The following CYSRT1 variants were observed in gnomAD, a reference collection of about 807,000 sequenced individuals.
The protein encoded by CYSRT1 is cysteine-rich tail protein 1.
In CYSRT1, 7 loss-of-function variants were observed where a neutral mutation model predicts 6.2. The observed-to-expected ratio is 1.13, with a 90% CI of 0.64 to 2.13. CYSRT1 has a LOEUF of 2.13. Among genes scored for constraint, CYSRT1 ranks in the 30% most tolerant of loss-of-function variants. The probability of loss-of-function intolerance (pLI) is 0.00; values close to 1 mark genes in which losing one functional copy is unlikely to be tolerated. For missense variants in CYSRT1, 188 were observed against 196.4 expected, an observed-to-expected ratio of 0.96 and a Z score of 0.26; for synonymous variants, 75 against 83.1, an observed-to-expected ratio of 0.90 and a Z score of 0.53.
chr9:137,225,760 G>A lies in CYSRT1; in HGVS notation c.139G>A (p.Val47Met). The A allele has an allele frequency of 1.3e-6, 2 of 1,550,078 alleles. No individual in the cohort carries two copies. The highest frequency in any genetic ancestry group is 8.7e-7 in the Non-Finnish European group (1 of 1,146,898). Reference protein sequence around the residue: ...SSSSEMQPLPVGPCAPEPTHL... With the variant: ...SSSSEMQPLPMGPCAPEPTHL... The stretch of plus-strand genomic sequence containing the variant: ...ATCCTCGGAGATGCAGCCCCTGCCA[G>A]TGGGGCCCTGTGCCCCAGAGCCAAC... The change falls in exon 2 of 2, where the codon GTG becomes ATG. Residue 47 changes from valine (V) to methionine (M), a missense_variant. By Grantham distance (21) the Val-to-Met change is conservative (BLOSUM62 1). Transcript: ENST00000650725.
At chr9:137,225,388 G>A (rs1484854658) in intron 1 of CYSRT1, among the ~76,000 whole-genome samples, 155 bp downstream of exon 1, 1 of 152,256 alleles carries the variant, frequency 6.6e-6, no homozygotes, top group African/African-American at 2.4e-5. Context: ...AGGGGTGGCA[G>A]CTGGGAGACA....
intron 1 of CYSRT1, 148 bp downstream of exon 1, chr9:137,225,381 G>A: frequency 1.7e-6 from 2 of 1,148,964 alleles, no homozygotes; most frequent in Non-Finnish European, 2.4e-6. Context: ...CCCTGGCAGG[G>A]GTGGCAGCTG....
rs1309179938 is a variant in CYSRT1, at chr9:137,225,963, C to T, written c.342C>T (p.Ile114=). Residue 114 remains isoleucine, a synonymous_variant, in exon 2 of 2, where the codon ATC becomes ATT. Transcript: ENST00000650725. ...CGCCCGCGGGGCGCGGGGATGACAT[C>T]GCCCACCACTGCTGCTGCTGCCCCT... The part of the protein sequence containing the change: ...GPPPAGRGDD[I]AHHCCCCPCC... 5.8e-6 allele frequency: 9 copies of T among 1,548,836 alleles called. No homozygotes were observed. The highest frequency in any genetic ancestry group is 2.4e-5 in the South Asian group (2 of 84,000).
chr9:137,225,251 G>A lies in CYSRT1; in HGVS notation c.-9+18G>A, dbSNP rs1003213445. On this transcript the variant is annotated intron_variant, in intron 1 of 1. Transcript: ENST00000650725. ...CACCACAGGTAAGCCCTTGGCCGCCGGGACTGCCCTGAACTCAGGGGCACT... is the reference window on the plus strand; with the variant it reads ...CACCACAGGTAAGCCCTTGGCCGCCAGGACTGCCCTGAACTCAGGGGCACT... The A allele has an allele frequency of 2.9e-5, 44 of 1,535,548 alleles. 1 individual carries two copies. Among genetic ancestry groups the A allele is most frequent in the East Asian group, 4.9e-5 (2 of 40,870 alleles).
In CYSRT1 at chr9:137,226,070, G is replaced by A. The variant is rs545222772; in HGVS notation, c.*14G>A. ...GTCATCTCCTAGCCCAGCCCACCCT[G>A]CCAGGGCCAGGACCCAGACTTCAGC... On this transcript the variant is annotated 3_prime_UTR_variant, in exon 2 of 2. Transcript: ENST00000650725. 6 of 1,543,064 alleles carry A rather than the reference G, an allele frequency of 3.9e-6. No individual in the cohort carries two copies. In the South Asian group the frequency reaches 4.8e-5, roughly 12 times the overall value.
chr9:137,225,833 G>A lies in CYSRT1; in HGVS notation c.212G>A (p.Gly71Asp), dbSNP rs1460443317. 2 of 1,548,040 alleles carry A rather than the reference G, an allele frequency of 1.3e-6. No individual in the cohort carries two copies. Among genetic ancestry groups the A allele is most frequent in the African/African-American group, 1.4e-5 (1 of 73,170 alleles). ...GTCCCAGGGCCCAAGGGCGCCAAGGGTAACCAGGGGGCTGCCCCCATCCAG... is the reference window on the plus strand; with the variant it reads ...GTCCCAGGGCCCAAGGGCGCCAAGGATAACCAGGGGGCTGCCCCCATCCAG... ...TEVPGPKGAK[G>D]NQGAAPIQNQ... is the part of the protein sequence containing the mutation. Residue 71 changes from glycine (G) to aspartate (D), a missense_variant, in exon 2 of 2, where the codon GGT becomes GAT. Gly to Asp is a moderately conservative substitution (Grantham distance 94). Coordinates refer to ENST00000650725, the MANE Select transcript of CYSRT1 (RefSeq NM_199001.5).
chr9:137,226,165 C>T lies in CYSRT1; in HGVS notation c.*109C>T. 6.8e-7 allele frequency: 1 copy of T among 1,474,124 alleles called. No homozygotes were observed. Among genetic ancestry groups the T allele is most frequent in the Non-Finnish European group, 9.1e-7 (1 of 1,102,386 alleles). The allele number at this position is 1,474,124 out of a possible 1,614,324, so 91.3% of individuals were successfully genotyped here. On this transcript the variant is annotated 3_prime_UTR_variant, in exon 2 of 2. Transcript: ENST00000650725. ...TGGCTGTTGTCATGGGCGTCTGCCC[C>T]TTCACACCAGGCACTGGGGCTCAGA...
chr9:137,226,175 G>T lies in CYSRT1; in HGVS notation c.*119G>T. ...CATGGGCGTCTGCCCCTTCACACCA[G>T]GCACTGGGGCTCAGACCCACCAGGA... On this transcript the variant is annotated 3_prime_UTR_variant, in exon 2 of 2. Coordinates refer to ENST00000650725, the MANE Select transcript of CYSRT1 (RefSeq NM_199001.5). The T allele has an allele frequency of 6.8e-7, 1 of 1,467,330 alleles. No homozygotes were observed. Among genetic ancestry groups the T allele is most frequent in the Non-Finnish European group, 9.1e-7 (1 of 1,099,424 alleles). The allele number at this position is 1,467,330 out of a possible 1,614,324, so 90.9% of individuals were successfully genotyped here. A position where few individuals can be genotyped will look rare whatever the true frequency, so the allele number is the denominator to read the frequency against.
At chr9:137,225,576 A>T in intron 1 of CYSRT1, 38 bp from the exon 2 acceptor site, 1 of 1,518,326 alleles carries the variant, frequency 6.6e-7, no homozygotes, top group African/African-American at 1.4e-5. Context: ...ATCCCACTCC[A>T]CTGAGTTCAT....
chr9:137,226,186 T>C lies in CYSRT1; in HGVS notation c.*130T>C. 3.5e-6 allele frequency: 5 copies of C among 1,447,864 alleles called. No individual in the cohort carries two copies. Among genetic ancestry groups the C allele is most frequent in the Non-Finnish European group, 4.6e-6 (5 of 1,091,590 alleles). The allele number at this position is 1,447,864 out of a possible 1,614,324, so 89.7% of individuals were successfully genotyped here. The stretch of plus-strand genomic sequence containing the variant: ...GCCCCTTCACACCAGGCACTGGGGC[T>C]CAGACCCACCAGGAAGGTGGCCGTT... On this transcript the variant is annotated 3_prime_UTR_variant, in exon 2 of 2. Transcript: ENST00000650725.
chr9:137,225,203 G>A lies in CYSRT1; in HGVS notation c.-39G>A, dbSNP rs893564079. 8.4e-6 allele frequency: 13 copies of A among 1,550,288 alleles called. No homozygotes were observed. The highest frequency in any genetic ancestry group is 1.7e-4 in the Middle Eastern group (1 of 6,012). On this transcript the variant is annotated 5_prime_UTR_variant, in exon 1 of 2. Coordinates refer to ENST00000650725, the MANE Select transcript of CYSRT1 (RefSeq NM_199001.5). ...ACTGGGACCTAGAGCTCAGAAGACCGAGAGGACAGACTGCCGTGTTGCCAC... is the reference window on the plus strand; with the variant it reads ...ACTGGGACCTAGAGCTCAGAAGACCAAGAGGACAGACTGCCGTGTTGCCAC...
At position 137,225,669 on chromosome 9, in the gene CYSRT1, C is replaced by T. The variant is rs1588832161; in HGVS notation, c.48C>T (p.Ser16=). 1 of 1,550,500 alleles carries T rather than the reference C, an allele frequency of 6.4e-7. No homozygotes were observed. The highest frequency in any genetic ancestry group is 8.7e-7 in the Non-Finnish European group (1 of 1,146,978). Reference sequence around the variant, plus strand: ...TCAAGAACCCATATGCCCACATCAGCATCCCCCGGGCTCACCTGCGGCCTG... The same window carrying T: ...TCAAGAACCCATATGCCCACATCAGTATCCCCCGGGCTCACCTGCGGCCTG... ...MVVKNPYAHI[S]IPRAHLRPDL... The change falls in exon 2 of 2, where the codon AGC becomes AGT. Residue 16 remains serine (S), a synonymous_variant. Transcript: ENST00000650725.
In CYSRT1 at chr9:137,225,507, T is replaced by C. The variant is rs1835950519; in HGVS notation, c.-8-107T>C. ...ACTGATGCCTTGGGGATGCTGAGCTTGGACGAGGCACGCTGCTCCTGGTGG... is the reference window on the plus strand; with the variant it reads ...ACTGATGCCTTGGGGATGCTGAGCTCGGACGAGGCACGCTGCTCCTGGTGG... On this transcript the variant is annotated intron_variant, in intron 1 of 1. Transcript: ENST00000650725. 2.8e-6 allele frequency: 4 copies of C among 1,452,372 alleles called. No homozygotes were observed. In the Admixed American group the frequency reaches 7.9e-5, roughly 29 times the overall value. The allele number at this position is 1,452,372 out of a possible 1,614,324, so 90.0% of individuals were successfully genotyped here. A position where few individuals can be genotyped will look rare whatever the true frequency, so the allele number is the denominator to read the frequency against.
In CYSRT1 at chr9:137,226,007, GC is replaced by G; in HGVS notation, c.393del (p.Phe132SerfsTer84). On this transcript the variant is annotated frameshift_variant, in exon 2 of 2. Transcript: ENST00000650725. LOFTEE classifies it high-confidence loss of function. ...CCCPCCHCCH[C>X]PPFCRCHSCC... ...TGCCCCTGCTGCCACTGCTGCCACT[GC>G]CCCCCCTTCTGCCGCTGCCACAGCT... The G allele has an allele frequency of 6.5e-7, 1 of 1,549,090 alleles. No homozygotes were observed. The highest frequency in any genetic ancestry group is 8.7e-7 in the Non-Finnish European group (1 of 1,146,794).
At position 137,226,078 on chromosome 9, in the gene CYSRT1, C is replaced by G. The variant is rs1835968899; in HGVS notation, c.*22C>G. 6 of 1,539,934 alleles carry G rather than the reference C, an allele frequency of 3.9e-6. No individual in the cohort carries two copies. Among genetic ancestry groups the G allele is most frequent in the Non-Finnish European group, 5.3e-6 (6 of 1,140,260 alleles). On this transcript the variant is annotated 3_prime_UTR_variant, in exon 2 of 2. Transcript: ENST00000650725. ...CTAGCCCAGCCCACCCTGCCAGGGC[C>G]AGGACCCAGACTTCAGCAAATGTGG...
In CYSRT1 at chr9:137,226,231, G is replaced by A. The variant is rs1030540110; in HGVS notation, c.*175G>A. The A allele has an allele frequency of 2.7e-5, 33 of 1,238,310 alleles. No individual in the cohort carries two copies. The highest frequency in any genetic ancestry group is 1.1e-4 in the African/African-American group (7 of 65,068). The allele number at this position is 1,238,310 out of a possible 1,614,324, so 76.7% of individuals were successfully genotyped here. Reference sequence around the variant, plus strand: ...GCCGTTCAGCCCGAGCTCCTGAAACGGAATCCCAGGTCCTGGCTGGAGAGG... The same window carrying A: ...GCCGTTCAGCCCGAGCTCCTGAAACAGAATCCCAGGTCCTGGCTGGAGAGG... On this transcript the variant is annotated 3_prime_UTR_variant, in exon 2 of 2. Transcript: ENST00000650725.
chr9:137,225,830 AG>A lies in CYSRT1; in HGVS notation c.212del (p.Gly71ValfsTer30), dbSNP rs1217404127. 1.9e-6 allele frequency: 3 copies of A among 1,548,176 alleles called. No individual in the cohort carries two copies. The highest frequency in any genetic ancestry group is 1.7e-6 in the Non-Finnish European group (2 of 1,146,868). On this transcript the variant is annotated frameshift_variant, in exon 2 of 2. Transcript: ENST00000650725. LOFTEE classifies it high-confidence loss of function. ...GAGGTCCCAGGGCCCAAGGGCGCCA[AG>A]GGTAACCAGGGGGCTGCCCCCATCC... is the stretch of plus-strand genomic sequence containing the variant. The part of the protein sequence containing the change: ...PTEVPGPKGA[K>X]GNQGAAPIQN...
At position 137,226,162 on chromosome 9, in the gene CYSRT1, C is replaced by T. The variant is rs1835971721; in HGVS notation, c.*106C>T. 1.4e-6 allele frequency: 2 copies of T among 1,475,358 alleles called. No individual in the cohort carries two copies. Among genetic ancestry groups the T allele is most frequent in the Middle Eastern group, 2.5e-4 (1 of 4,020 alleles). The allele number at this position is 1,475,358 out of a possible 1,614,324, so 91.4% of individuals were successfully genotyped here. On this transcript the variant is annotated 3_prime_UTR_variant, in exon 2 of 2. Transcript: ENST00000650725. Reference sequence around the variant, plus strand: ...GGGTGGCTGTTGTCATGGGCGTCTGCCCCTTCACACCAGGCACTGGGGCTC... The same window carrying T: ...GGGTGGCTGTTGTCATGGGCGTCTGTCCCTTCACACCAGGCACTGGGGCTC...
chr9:137,225,500 C>G (rs1588832045), intron 1 of CYSRT1, 114 bp from the exon 2 acceptor site: 1 of 1,450,038 alleles, frequency 6.9e-7, no homozygotes, highest in African/African-American at 1.4e-5. Flanking sequence ...CTTGGGGATG[C>G]TGAGCTTGGA....
Sources: allele counts gnomAD v4.1 joint callset (sites outside exome capture counted in the v4.1 genomes callset), GRCh38; gene constraint gnomAD v4.1.1; transcripts MANE v1.5; gene names NCBI Gene and HGNC (gene_info 2026-07-23, HGNC 2026-07-21).